The following ARHGAP24 variants were observed in gnomAD, a reference collection of about 807,000 sequenced individuals.
The protein encoded by ARHGAP24 is Rho GTPase activating protein 24, also known as rho GTPase-activating protein 24.
Under a neutral mutation model 76.4 loss-of-function variants are expected in ARHGAP24, and 50 were observed. The observed-to-expected ratio is 0.65, with a 90% CI of 0.52 to 0.83. The LOEUF (loss-of-function observed/expected upper bound fraction) is 0.83, where lower values mean the gene tolerates loss of function less well. ARHGAP24 is among the 40% of genes least tolerant of loss of function. ARHGAP24 has a pLI of 0.00. For missense variants in ARHGAP24, 930 were observed against 914.2 expected (o/e 1.02, Z -0.22); for synonymous variants, 345 against 323.3 (o/e 1.07, Z -0.72).
intron 1 of ARHGAP24, among the ~76,000 whole-genome samples, chr4:85,567,311 T>A (rs1726889535): frequency 6.6e-6 from 1 of 152,178 alleles, no homozygotes; most frequent in African/African-American, 2.4e-5. Flanking sequence ...TAGAATCATC[T>A]CCTCAAAAGA....
intron 3 of ARHGAP24, among the ~76,000 whole-genome samples, chr4:85,815,406 C>T (rs1729195167): frequency 6.6e-6 from 1 of 152,182 alleles, no homozygotes; most frequent in Admixed American, 6.5e-5. Context: ...ACCCAAGTCA[C>T]CTCTTGAATG....
At chr4:85,847,602 G>A (rs1342465011) in intron 3 of ARHGAP24, among the ~76,000 whole-genome samples, 1 of 152,142 alleles carries the variant, frequency 6.6e-6, no homozygotes, top group Non-Finnish European at 1.5e-5. Flanking sequence ...GCTGTGTGAT[G>A]AGCTTTCTAG....
chr4:85,777,799 A>T (rs752451692), intron 3 of ARHGAP24, among the ~76,000 whole-genome samples: 1 of 152,198 alleles, frequency 6.6e-6, no homozygotes, highest in Non-Finnish European at 1.5e-5. Context: ...GAATGAATAC[A>T]TTTCAAAAAG....
At chr4:85,651,124 T>C (rs903931065) in intron 2 of ARHGAP24, among the ~76,000 whole-genome samples, 1 of 149,012 alleles carries the variant, frequency 6.7e-6, no homozygotes, top group Non-Finnish European at 1.5e-5. Flanking sequence ...TCGGTGAAGT[T>C]GGAGCTTAGT....
At chr4:85,794,547 A>G (rs916063960) in intron 3 of ARHGAP24, among the ~76,000 whole-genome samples, 1 of 152,102 alleles carries the variant, frequency 6.6e-6, no homozygotes, top group South Asian at 2.1e-4. Flanking sequence ...CAGTGGCATG[A>G]TCTTGGCTCA....
intron 4 of ARHGAP24, among the ~76,000 whole-genome samples, chr4:85,932,062 G>A (rs1028913793): frequency 6.6e-6 from 1 of 152,080 alleles, no homozygotes; most frequent in Non-Finnish European, 1.5e-5. Context: ...CATTGTTCCT[G>A]CAGAGTGCTT....
intron 1 of ARHGAP24, among the ~76,000 whole-genome samples, chr4:85,540,274 C>A (rs1157957741): frequency 1.3e-5 from 2 of 151,720 alleles, no homozygotes; most frequent in Non-Finnish European, 1.5e-5. Flanking sequence ...TTTTAAAAAT[C>A]TAATGTAGTG....
At chr4:85,683,109 T>TGTGGGGGGGGG (rs1553922558) in intron 2 of ARHGAP24, among the ~76,000 whole-genome samples, 1 of 17,482 alleles carries the variant, frequency 5.7e-5, no homozygotes, top group Non-Finnish European at 1.3e-4. Flanking sequence ...TCTCAGTGTG[T>TGTGGGGGGGGG]GGGGGGGTGG....
At chr4:85,577,878 T>C (rs759590266) in intron 2 of ARHGAP24, among the ~76,000 whole-genome samples, 47 of 152,138 alleles carry the variant, frequency 3.1e-4, no homozygotes, top group Non-Finnish European at 5.9e-4. Flanking sequence ...CTTTTGTAAG[T>C]TGTTAGAAAT....
At chr4:85,583,524 A>G (rs1337586749) in intron 2 of ARHGAP24, among the ~76,000 whole-genome samples, 1 of 152,140 alleles carries the variant, frequency 6.6e-6, no homozygotes, top group African/African-American at 2.4e-5. Context: ...TTCAGGACAT[A>G]GGCATGGGCA....
At chr4:85,695,999 G>A (rs887356005) in intron 2 of ARHGAP24, among the ~76,000 whole-genome samples, 1 of 152,062 alleles carries the variant, frequency 6.6e-6, no homozygotes, top group Admixed American at 6.5e-5. Flanking sequence ...TTTCATCTAT[G>A]TTTAGCCATA....
intron 3 of ARHGAP24, among the ~76,000 whole-genome samples, chr4:85,762,277 A>G (rs1428398036): frequency 2.0e-5 from 3 of 152,208 alleles, no homozygotes; most frequent in Non-Finnish European, 4.4e-5. Context: ...AACCTGTAGC[A>G]TGCTACATCA....
intron 3 of ARHGAP24, among the ~76,000 whole-genome samples, chr4:85,899,093 A>C (rs1734352905): frequency 6.6e-6 from 1 of 152,192 alleles, no homozygotes; most frequent in Admixed American, 6.5e-5. Flanking sequence ...CAAGTTTTGC[A>C]CTTAAAAAAT....
chr4:85,931,099 CT>C, intron 4 of ARHGAP24: 1 of 1,510,278 alleles, frequency 6.6e-7, no homozygotes, highest in Non-Finnish European at 8.9e-7. Flanking sequence ...TTATCTTAGG[CT>C]TTAAGGTCTG....
chr4:85,523,045 G>T (rs1724849747), intron 1 of ARHGAP24, among the ~76,000 whole-genome samples: 1 of 152,212 alleles, frequency 6.6e-6, no homozygotes, highest in Admixed American at 6.5e-5. Context: ...CTCCCAGGTG[G>T]CTCTGCCAGT....
chr4:85,973,922 A>G (rs1404395649), intron 6 of ARHGAP24, among the ~76,000 whole-genome samples: 1 of 139,916 alleles, frequency 7.1e-6, no homozygotes, highest in African/African-American at 2.8e-5. Flanking sequence ...GGCTCACTGC[A>G]AGCTCCGCCT....
At chr4:85,572,917 C>G (rs1727196811) in intron 2 of ARHGAP24, among the ~76,000 whole-genome samples, 1 of 139,722 alleles carries the variant, frequency 7.2e-6, no homozygotes, top group Non-Finnish European at 1.5e-5. Flanking sequence ...CACTCTGTAG[C>G]CCAGGCTGGA....
rs180807520 is a variant in ARHGAP24 at position 85,932,362 on chromosome 4, C to T, written c.391+8592C>T. Among the ~76,000 whole-genome samples, 13 of 151,908 alleles carry T rather than the reference C, an allele frequency of 8.6e-5. No individual in the cohort carries two copies. The South Asian group carries it at 2.5e-3, about 29-fold the overall frequency. On this transcript the variant is annotated intron_variant, in intron 4 of 9. Transcript: ENST00000395184. ...AAACTAAATTGGTTCTATGCAAACACGACTTTTCAGGGTTACTGCTGTCCA... is the reference window on the plus strand; with the variant it reads ...AAACTAAATTGGTTCTATGCAAACATGACTTTTCAGGGTTACTGCTGTCCA...
chr4:85,755,466 A>G (rs1403516732), intron 3 of ARHGAP24, among the ~76,000 whole-genome samples: 1 of 152,046 alleles, frequency 6.6e-6, no homozygotes, highest in Non-Finnish European at 1.5e-5. Flanking sequence ...CGACAATCAC[A>G]CACTGATTTC....
Sources: allele counts gnomAD v4.1 joint callset (sites outside exome capture counted in the v4.1 genomes callset), GRCh38; gene constraint gnomAD v4.1.1; transcripts MANE v1.5; gene names NCBI Gene and HGNC (gene_info 2026-07-23, HGNC 2026-07-21).